The following DHX35 variants were observed in gnomAD, a reference collection of about 807,000 sequenced individuals.
DHX35 encodes the protein probable ATP-dependent RNA helicase DHX35.
In DHX35, 84 loss-of-function variants were observed where a neutral mutation model predicts 99.6. That is an observed-to-expected ratio of 0.84 (90% CI 0.71 to 1.01). The LOEUF (loss-of-function observed/expected upper bound fraction) is 1.01, where lower values mean the gene tolerates loss of function less well. DHX35 is among the 50% of genes least tolerant of loss of function. DHX35 has a pLI of 0.00. For synonymous variants in DHX35, 331 were observed against 316.2 expected, an observed-to-expected ratio of 1.05 and a Z score of -0.50; for missense variants, 852 against 888.5, an observed-to-expected ratio of 0.96 and a Z score of 0.52.
intron 4 of DHX35, among the ~76,000 whole-genome samples, chr20:38,985,242 G>C (rs1172903447): frequency 6.6e-6 from 1 of 151,938 alleles, no homozygotes; most frequent in African/African-American, 2.4e-5. Flanking sequence ...AAAAAAATTA[G>C]CTGGGCATGC....
intron 21 of DHX35, among the ~76,000 whole-genome samples, chr20:39,036,463 C>T (rs952094595): frequency 1.5e-4 from 23 of 152,052 alleles, no homozygotes; most frequent in Admixed American, 2.0e-4. Flanking sequence ...CGGTGGCTCA[C>T]GCCTGTAATC....
At chr20:38,995,019 T>G in intron 8 of DHX35, 139 bp downstream of exon 8, 2 of 675,186 alleles carry the variant, frequency 3.0e-6, no homozygotes, top group South Asian at 4.0e-5. Context: ...TGTCCTAGAT[T>G]TCATATAATC....
intron 21 of DHX35, among the ~76,000 whole-genome samples, chr20:39,036,726 C>CAAAAAA (rs60032935): frequency 1.9e-5 from 1 of 51,660 alleles, no homozygotes; most frequent in Non-Finnish European, 3.6e-5. Context: ...ACTGTCCCCC[C>CAAAAAA]AAAAAAAAAA....
At chr20:38,996,997 G>GT (rs1439348366) in intron 8 of DHX35, among the ~76,000 whole-genome samples, 10 of 151,656 alleles carry the variant, frequency 6.6e-5, no homozygotes. Context: ...AATTATTCCA[G>GT]TTTTTATTAT....
chr20:39,029,116 AATC>A (rs1334007049), intron 19 of DHX35: 2 of 152,322 alleles, frequency 1.3e-5, no homozygotes, highest in Non-Finnish European at 2.9e-5. Flanking sequence ...TCTCCAAACT[AATC>A]ATTCCAGTGC....
chr20:39,006,358 T>A lies in DHX35; in HGVS notation c.1222+2T>A. ...GAAAATGTTATCGCCTTTATACAGG[T>A]TAGTGTGGCTTTCCCTAAGGGTTTT... is the stretch of plus-strand genomic sequence containing the variant. On this transcript the variant is annotated splice_donor_variant, in intron 12 of 21. Coordinates refer to ENST00000252011, the MANE Select transcript of DHX35 (RefSeq NM_021931.4). LOFTEE classifies it high-confidence loss of function. The A allele has an allele frequency of 6.2e-7, 1 of 1,612,968 alleles. No individual in the cohort carries two copies. Among genetic ancestry groups the A allele is most frequent in the Non-Finnish European group, 8.5e-7 (1 of 1,179,094 alleles).
At chr20:38,972,378 T>C (rs763205349) in intron 2 of DHX35, among the ~76,000 whole-genome samples, 181 bp from the exon 3 acceptor site, 31 of 152,344 alleles carry the variant, frequency 2.0e-4, no homozygotes, top group Non-Finnish European at 3.8e-4. Flanking sequence ...GTTAACACGA[T>C]TGCAGTTGTA....
intron 18 of DHX35, among the ~76,000 whole-genome samples, chr20:39,027,387 A>G (rs951018816): frequency 6.6e-6 from 1 of 152,226 alleles, no homozygotes; most frequent in African/African-American, 2.4e-5. Flanking sequence ...TTTATTATAG[A>G]ATGATTTTAT....
intron 7 of DHX35, among the ~76,000 whole-genome samples, chr20:38,992,848 G>A (rs1403131434): frequency 5.3e-5 from 8 of 152,106 alleles, no homozygotes; most frequent in Admixed American, 5.2e-4. Context: ...ATGGCTTGCA[G>A]ATTTTAAATA....
At chr20:38,971,328 G>C (rs1245788582) in intron 2 of DHX35, among the ~76,000 whole-genome samples, 1 of 152,158 alleles carries the variant, frequency 6.6e-6, no homozygotes, top group Non-Finnish European at 1.5e-5. Context: ...ACTCCTGCCT[G>C]GGCAACAGAG....
In DHX35 at chr20:39,023,726, G is replaced by C; in HGVS notation, c.1630G>C (p.Asp544His). ...VHRKFAVEEG[D>H]HLTMLNIYEA... ...CCGTAAATTTGCTGTGGAGGAGGGC[G>C]ACCACCTCACTATGCTCAATATATA... Residue 544 changes from aspartate to histidine, a missense_variant, in exon 17 of 22, where the codon GAC (aspartate) becomes CAC (histidine). Transcript: ENST00000252011. The C allele has an allele frequency of 1.2e-6, 2 of 1,613,982 alleles. No homozygotes were observed. Among genetic ancestry groups the C allele is most frequent in the Non-Finnish European group, 8.5e-7 (1 of 1,179,948 alleles).
Position 39,034,318 on chromosome 20 carries a change from G to A in DHX35, c.2067+1G>A, listed in dbSNP as rs1346872727. The A allele has an allele frequency of 2.5e-6, 4 of 1,612,820 alleles. No homozygotes were observed. Among genetic ancestry groups the A allele is most frequent in the Non-Finnish European group, 2.5e-6 (3 of 1,178,846 alleles). Reference sequence around the variant, plus strand: ...TCCACACTTTTATCAACAAGGAACGGTAGGAATGAACTGAGTCTGTGCCCC... The same window carrying A: ...TCCACACTTTTATCAACAAGGAACGATAGGAATGAACTGAGTCTGTGCCCC... On this transcript the variant is annotated splice_donor_variant, in intron 21 of 21. Transcript: ENST00000252011. LOFTEE classifies it high-confidence loss of function.
At chr20:39,004,317 G>T (rs890222976) in intron 11 of DHX35, among the ~76,000 whole-genome samples, 1 of 152,112 alleles carries the variant, frequency 6.6e-6, no homozygotes, top group Non-Finnish European at 1.5e-5. Context: ...CGCCCACCTT[G>T]GCCTCCCAAA....
chr20:39,026,630 G>A (rs1419347788), intron 18 of DHX35, among the ~76,000 whole-genome samples: 1 of 152,160 alleles, frequency 6.6e-6, no homozygotes, highest in African/African-American at 2.4e-5. Flanking sequence ...GTGGGAGTCC[G>A]GTCAAGCTTT....
chr20:38,995,395 A>G (rs2086412498), intron 8 of DHX35, among the ~76,000 whole-genome samples: 1 of 152,084 alleles, frequency 6.6e-6, no homozygotes, highest in South Asian at 2.1e-4. Flanking sequence ...GTAGTAGTAC[A>G]TGCCTATAAT....
intron 20 of DHX35, among the ~76,000 whole-genome samples, chr20:39,031,227 C>T (rs2087045212): frequency 6.6e-6 from 1 of 152,090 alleles, no homozygotes; most frequent in African/African-American, 2.4e-5. Flanking sequence ...TATTTGTCTA[C>T]TCACTCATCC....
chr20:38,980,720 C>G (rs1224794547), intron 3 of DHX35, among the ~76,000 whole-genome samples: 2 of 152,142 alleles, frequency 1.3e-5, no homozygotes, highest in African/African-American at 4.8e-5. Context: ...TTCCCTTATA[C>G]TCTTCACTAC....
intron 12 of DHX35, among the ~76,000 whole-genome samples, chr20:39,006,992 C>G (rs536742583): frequency 6.6e-6 from 1 of 152,336 alleles, no homozygotes; most frequent in Non-Finnish European, 1.5e-5. Context: ...CTGCACTTCT[C>G]TTCTGTGGGG....
intron 1 of DHX35, among the ~76,000 whole-genome samples, chr20:38,964,846 G>A (rs1467852726): frequency 6.6e-6 from 1 of 152,188 alleles, no homozygotes; most frequent in African/African-American, 2.4e-5. Flanking sequence ...AAATCCAGGA[G>A]GGATGTTAAA....
Sources: allele counts gnomAD v4.1 joint callset (sites outside exome capture counted in the v4.1 genomes callset), GRCh38; gene constraint gnomAD v4.1.1; transcripts MANE v1.5; gene names NCBI Gene and HGNC (gene_info 2026-07-23, HGNC 2026-07-21).